The following TECTA variants were observed in gnomAD, a reference collection of about 807,000 sequenced individuals.
TECTA encodes the protein alpha-tectorin.
Under a neutral mutation model 216.8 loss-of-function variants are expected in TECTA, and 128 were observed. That is an observed-to-expected ratio of 0.59 (90% confidence interval 0.51 to 0.68). The LOEUF (loss-of-function observed/expected upper bound fraction) is 0.68, where lower values mean the gene tolerates loss of function less well. Among genes scored for constraint, TECTA ranks in the 30% least tolerant of loss-of-function variants. The pLI, the probability that TECTA is intolerant of heterozygous loss-of-function variation, is 0.00. For synonymous variants in TECTA, 1,089 were observed against 1,117.1 expected (o/e 0.97, Z 0.50); for missense variants, 2,551 against 2,786.2 (o/e 0.92, Z 1.90).
intron 12 of TECTA, among the ~76,000 whole-genome samples, chr11:121,148,713 A>C (rs914498041): frequency 2.6e-5 from 4 of 152,190 alleles, no homozygotes; most frequent in Non-Finnish European, 5.9e-5. Context: ...TGCCCATCAA[A>C]TTTGTGCTTT....
Position 121,137,640 on chromosome 11 carries a change from A to G in TECTA, c.3161A>G (p.Asp1054Gly). ...GCCACCAATGAGACCTTCTGGGTGG[A>G]CCTGGACTGCCAGATCTTCTGCTAT... ...QLATNETFWVDLDCQIFCYCS... is the reference protein window; with the variant it reads ...QLATNETFWVGLDCQIFCYCS... Residue 1054 changes from aspartate (D) to glycine (G), a missense_variant, in exon 11 of 24, where the codon GAC becomes GGC. Asp to Gly is a moderately conservative substitution (Grantham distance 94, BLOSUM62 -1). Transcript: ENST00000392793. 1 of 1,614,016 alleles carries G rather than the reference A, an allele frequency of 6.2e-7. No individual in the cohort carries two copies. The highest frequency in any genetic ancestry group is 8.5e-7 in the Non-Finnish European group (1 of 1,180,002).
intron 11 of TECTA, among the ~76,000 whole-genome samples, chr11:121,140,086 T>A (rs1477686723): frequency 6.6e-6 from 1 of 152,228 alleles, no homozygotes; most frequent in Non-Finnish European, 1.5e-5. Context: ...CACGTTTTTC[T>A]TTTCTTTTAA....
rs1311826430 is a variant in TECTA, at chr11:121,189,848, G to A, written c.6335G>A (p.Gly2112Glu). 2 of 1,613,556 alleles carry A rather than the reference G, an allele frequency of 1.2e-6. No homozygotes were observed. The highest frequency in any genetic ancestry group is 1.8e-4 in the Middle Eastern group (1 of 5,708). ...VDGPLCSCVT[G>E]TLQEDGKSCR... is the part of the protein sequence containing the mutation. ...GGGCCTCTCTGCAGCTGTGTAACAG[G>A]AACCCTGCAGGAGGACGGCAAGAGC... Residue 2112 changes from glycine to glutamate, a missense_variant, in exon 23 of 24, where the codon GGA (glycine) becomes GAA (glutamate). By Grantham distance (98) the Gly-to-Glu change is moderately conservative. Transcript: ENST00000392793.
chr11:121,167,381 A>G (rs545065826), intron 18 of TECTA, among the ~76,000 whole-genome samples: 1 of 152,330 alleles, frequency 6.6e-6, no homozygotes, highest in East Asian at 1.9e-4. Flanking sequence ...GCAGTGAGCT[A>G]TGAATGTACC....
At chr11:121,188,661 A>T (rs1591473904) in intron 21 of TECTA, among the ~76,000 whole-genome samples, 1 of 152,254 alleles carries the variant, frequency 6.6e-6, no homozygotes, top group East Asian at 1.9e-4. Context: ...CCTGGCCCCT[A>T]GCCTTTAACA....
At chr11:121,171,927 G>T (rs1471758452) in intron 20 of TECTA, among the ~76,000 whole-genome samples, 3 of 152,080 alleles carry the variant, frequency 2.0e-5, no homozygotes, top group African/African-American at 7.2e-5. Flanking sequence ...GATTGAACTG[G>T]CTAGGACTTC....
chr11:121,170,511 C>T (rs867973973), intron 20 of TECTA, among the ~76,000 whole-genome samples: 1 of 151,880 alleles, frequency 6.6e-6, no homozygotes, highest in Non-Finnish European at 1.5e-5. Flanking sequence ...TAGTGTTTCC[C>T]ATAATGGCTG....
rs1319580739 is a variant in TECTA, at chr11:121,145,550, TACA to T, written c.3544-4_3544-2del. 1.9e-6 allele frequency: 3 copies of T among 1,614,072 alleles called. No homozygotes were observed. Among genetic ancestry groups the T allele is most frequent in the Non-Finnish European group, 1.7e-6 (2 of 1,180,020 alleles). ...TGTTTCTCCACCTCATCTCTCCTCT[TACA>T]GGTCAACAGTGAACGGCTCTATCTG... On this transcript the variant is annotated splice_acceptor_variant and splice_polypyrimidine_tract_variant and intron_variant, in intron 11 of 23. Coordinates refer to ENST00000392793, the MANE Select transcript of TECTA (RefSeq NM_005422.4). LOFTEE classifies it high-confidence loss of function.
chr11:121,137,159 C>T (rs995939434), intron 10 of TECTA, among the ~76,000 whole-genome samples: 7 of 152,182 alleles, frequency 4.6e-5, no homozygotes, highest in African/African-American at 1.4e-4. Context: ...CATGCACACT[C>T]GCATGCACAG....
rs769192635 is a variant in TECTA at position 121,118,267 on chromosome 11, T to C, written c.791-39T>C. 7.4e-6 allele frequency: 12 copies of C among 1,612,438 alleles called. 1 individual carries two copies. In the East Asian group the frequency reaches 2.2e-4, roughly 30 times the overall value. Reference sequence around the variant, plus strand: ...CCCAATGCCTGGCACAGAGGGGAAATGCTCAGTAAATGTTGGCTCTAATGT... The same window carrying C: ...CCCAATGCCTGGCACAGAGGGGAAACGCTCAGTAAATGTTGGCTCTAATGT... On this transcript the variant is annotated intron_variant, in intron 6 of 23. Coordinates refer to ENST00000392793, the MANE Select transcript of TECTA (RefSeq NM_005422.4).
chr11:121,169,519 A>G (rs1244357548), intron 20 of TECTA, among the ~76,000 whole-genome samples: 1 of 152,228 alleles, frequency 6.6e-6, no homozygotes, highest in Non-Finnish European at 1.5e-5. Context: ...CTTTCTGGTT[A>G]CATTAGACAG....
At chr11:121,179,748 T>C (rs1947206218) in intron 20 of TECTA, among the ~76,000 whole-genome samples, 1 of 152,158 alleles carries the variant, frequency 6.6e-6, no homozygotes, top group Admixed American at 6.5e-5. Flanking sequence ...TCTTGCTGAA[T>C]TTGTCCTTTC....
At chr11:121,103,013 A>G (rs1258032498) in intron 2 of TECTA, among the ~76,000 whole-genome samples, 1 of 152,176 alleles carries the variant, frequency 6.6e-6, no homozygotes, top group Non-Finnish European at 1.5e-5. Context: ...AATTATTTCC[A>G]TTAAAAGTAG....
intron 12 of TECTA, among the ~76,000 whole-genome samples, chr11:121,152,375 G>T (rs1168984774): frequency 1.3e-5 from 2 of 152,208 alleles, no homozygotes; most frequent in African/African-American, 2.4e-5. Context: ...GGGTGTAGAG[G>T]AGCTGACATT....
At position 121,118,324 on chromosome 11, in the gene TECTA, G is replaced by A; in HGVS notation, c.809G>A (p.Gly270Glu). ...TCCCCAGGACAATTCCTTCGGCGAGGGGAGGTGTTTTGGGATGACTTGAAC... is the reference window on the plus strand; with the variant it reads ...TCCCCAGGACAATTCCTTCGGCGAGAGGAGGTGTTTTGGGATGACTTGAAC... ...CTSRGQFLRR[G>E]EVFWDDLNCT... The change falls in exon 7 of 24, where the codon GGG (glycine) becomes GAG (glutamate). Residue 270 changes from glycine to glutamate, a missense_variant. Physicochemically the swap from Gly to Glu is moderately conservative, Grantham distance 98 (BLOSUM62 -2). Around this residue, in one of 3 missense-constraint regions of TECTA, gnomAD observed 2,375 missense variants for 2,563.9 expected, o/e 0.93. Coordinates refer to ENST00000392793, the MANE Select transcript of TECTA (RefSeq NM_005422.4). 1 of 1,614,168 alleles carries A rather than the reference G, an allele frequency of 6.2e-7. No individual in the cohort carries two copies. Among genetic ancestry groups the A allele is most frequent in the Non-Finnish European group, 8.5e-7 (1 of 1,180,036 alleles).
intron 20 of TECTA, among the ~76,000 whole-genome samples, chr11:121,171,322 C>T (rs1426735809): frequency 6.6e-6 from 1 of 152,186 alleles, no homozygotes; most frequent in African/African-American, 2.4e-5. Flanking sequence ...GTTTTGGCTA[C>T]TATAGCTTCA....
At chr11:121,123,690 C>A (rs901070096) in intron 7 of TECTA, among the ~76,000 whole-genome samples, 4 of 152,230 alleles carry the variant, frequency 2.6e-5, no homozygotes, top group Non-Finnish European at 5.9e-5. Context: ...GTTCTCAACA[C>A]AAAAGCCAGA....
At chr11:121,102,054 T>C (rs886226652) in intron 1 of TECTA, among the ~76,000 whole-genome samples, 2 of 152,242 alleles carry the variant, frequency 1.3e-5, no homozygotes, top group Admixed American at 6.5e-5. Context: ...TACTAATGTT[T>C]CTATCATTCA....
At chr11:121,189,528 C>A (rs570102831) in intron 22 of TECTA, among the ~76,000 whole-genome samples, 11 of 152,138 alleles carry the variant, frequency 7.2e-5, no homozygotes, top group Admixed American at 7.2e-4. Context: ...TGCCCGCCCC[C>A]ACGCCCGGCT....
Sources: allele counts gnomAD v4.1 joint callset (sites outside exome capture counted in the v4.1 genomes callset), GRCh38; gene constraint gnomAD v4.1.1; regional missense constraint gnomAD v4.1.1; transcripts MANE v1.5; gene names NCBI Gene and HGNC (gene_info 2026-07-23, HGNC 2026-07-21).